PTPRD: variants seen among roughly 807,000 people sequenced by gnomAD.
PTPRD encodes the protein receptor-type tyrosine-protein phosphatase delta.
PTPRD carries 34 observed loss-of-function variants against 214.5 expected under a neutral mutation model. The observed-to-expected ratio is 0.16, with a 90% confidence interval of 0.12 to 0.21. The LOEUF (loss-of-function observed/expected upper bound fraction) is 0.21. Ranked by LOEUF, PTPRD falls within the 10% of genes least tolerant of loss-of-function variation. The pLI is 1.00. For missense variants in PTPRD, 2,545 were observed against 2,398.7 expected, an observed-to-expected ratio of 1.06 and a Z score of -1.27; for synonymous variants, 1,128 against 845.7, an observed-to-expected ratio of 1.33 and a Z score of -5.79.
chr9:9,918,634 G>A (rs2382062), intron 5 of PTPRD, among the ~76,000 whole-genome samples: 144,622 of 152,172 alleles, frequency 0.95, 68,889 homozygotes, highest in Middle Eastern at 0.98. Context: ...AAGGCGTGAC[G>A]CTACCAGACT....
chr9:9,925,445 T>TC (rs1385192935), intron 5 of PTPRD, among the ~76,000 whole-genome samples: 6 of 152,128 alleles, frequency 3.9e-5, no homozygotes, highest in African/African-American at 1.4e-4. Context: ...TGAAGGAGGT[T>TC]CTATATTATA....
chr9:9,375,380 G>T (rs1365768574), intron 9 of PTPRD, among the ~76,000 whole-genome samples: 1 of 152,134 alleles, frequency 6.6e-6, no homozygotes, highest in Non-Finnish European at 1.5e-5. Context: ...GGCAGATCAT[G>T]AGGTCAGGAG....
chr9:8,809,832 C>T (rs999593163), intron 11 of PTPRD, among the ~76,000 whole-genome samples: 3 of 152,176 alleles, frequency 2.0e-5, no homozygotes, highest in Admixed American at 1.3e-4. Context: ...CTTCTTAAAA[C>T]AATAATTGTA....
chr9:9,319,644 C>G (rs183640354), intron 9 of PTPRD, among the ~76,000 whole-genome samples: 99 of 152,264 alleles, frequency 6.5e-4, no homozygotes, highest in African/African-American at 2.4e-3. Context: ...AATCTAAACA[C>G]CTCTTCTTAG....
intron 26 of PTPRD, among the ~76,000 whole-genome samples, chr9:8,494,762 C>A (rs1053249025): frequency 2.0e-5 from 3 of 152,166 alleles, no homozygotes; most frequent in Non-Finnish European, 4.4e-5. Context: ...GCGTCAAGTT[C>A]CCTGCAGTGG....
rs577422909 is a variant in PTPRD at position 9,221,797 on chromosome 9, G to A, written c.-202-38434C>T. Reference sequence around the variant, plus strand: ...AAAACCTGTTAGCAATCTGTCACGTGTAGCAGAAGAAGACAAAGGAATGAT... The same window carrying A: ...AAAACCTGTTAGCAATCTGTCACGTATAGCAGAAGAAGACAAAGGAATGAT... On this transcript the variant is annotated intron_variant, in intron 9 of 45. Transcript: ENST00000381196. Among the ~76,000 whole-genome samples, 298 of 152,094 alleles carry A rather than the reference G, an allele frequency of 2.0e-3. 1 individual carries two copies. The highest frequency in any genetic ancestry group is 6.8e-3 in the African/African-American group (284 of 41,526).
At chr9:10,588,270 T>C (rs533524372) in intron 2 of PTPRD, among the ~76,000 whole-genome samples, 13 of 152,142 alleles carry the variant, frequency 8.5e-5, no homozygotes, top group Admixed American at 8.5e-4. Context: ...GTGGTCTTTG[T>C]AAGGTAGTGC....
intron 12 of PTPRD, among the ~76,000 whole-genome samples, chr9:8,726,413 A>G (rs2098558105): frequency 6.7e-6 from 1 of 149,982 alleles, no homozygotes; most frequent in Non-Finnish European, 1.5e-5. Context: ...AGATGGTAAA[A>G]CCATCTCTAC....
chr9:10,603,661 A>G (rs1216451959), intron 2 of PTPRD, among the ~76,000 whole-genome samples: 1 of 151,954 alleles, frequency 6.6e-6, no homozygotes, highest in African/African-American at 2.4e-5. Flanking sequence ...ATGCATGGAA[A>G]GCACTTAAAA....
chr9:9,879,561 T>C (rs1039217509), intron 5 of PTPRD, among the ~76,000 whole-genome samples: 2 of 152,176 alleles, frequency 1.3e-5, no homozygotes, highest in African/African-American at 4.8e-5. Context: ...TTGCAAGTAT[T>C]TGACACTGCA....
Position 10,578,570 on chromosome 9 carries a change from T to C in PTPRD, c.-600+33828A>G, listed in dbSNP as rs561567726. Among the ~76,000 whole-genome samples, 14 of 152,294 alleles carry C rather than the reference T, an allele frequency of 9.2e-5. No individual in the cohort carries two copies. In the South Asian group the frequency reaches 2.7e-3, roughly 29 times the overall value. On this transcript the variant is annotated intron_variant, in intron 2 of 45. Coordinates refer to ENST00000381196, the MANE Select transcript of PTPRD (RefSeq NM_002839.4). ...GTTATGCTGCTATATGAGTCATTTA[T>C]ATTCTTACAAATAAAAAAGATTGAC...
chr9:10,292,379 C>G (rs913869873), intron 3 of PTPRD, among the ~76,000 whole-genome samples: 27 of 152,150 alleles, frequency 1.8e-4, no homozygotes, highest in Non-Finnish European at 2.9e-4. Context: ...TGACATCACC[C>G]TTATAAAAAT....
rs1008072610 is a variant in PTPRD, at chr9:9,203,473, A to G, written c.-202-20110T>C. Among the ~76,000 whole-genome samples, 2 of 152,198 alleles carry G rather than the reference A, an allele frequency of 1.3e-5. 1 individual carries two copies. The highest frequency in any genetic ancestry group is 4.8e-5 in the African/African-American group (2 of 41,454). ...CATCATCTATCAATTCTCTCAAATT[A>G]GAAAATTTAAAATCACTTCTTCCTC... On this transcript the variant is annotated intron_variant, in intron 9 of 45. Coordinates refer to ENST00000381196, the MANE Select transcript of PTPRD (RefSeq NM_002839.4).
intron 11 of PTPRD, among the ~76,000 whole-genome samples, chr9:8,845,600 G>A (rs1205523976): frequency 6.6e-6 from 1 of 152,216 alleles, no homozygotes; most frequent in Non-Finnish European, 1.5e-5. Context: ...CCTGTCCCAT[G>A]CCACCCAGCA....
At chr9:8,373,562 CCTGT>C (rs2082159187) in intron 39 of PTPRD, among the ~76,000 whole-genome samples, 1 of 151,356 alleles carries the variant, frequency 6.6e-6, no homozygotes, top group South Asian at 2.1e-4. Flanking sequence ...TCCTGAGTAG[CCTGT>C]CTCTCTCAGA....
At position 9,950,092 on chromosome 9, in the gene PTPRD, G is replaced by A. The variant is rs10816261; in HGVS notation, c.-471-11482C>T. Among the ~76,000 whole-genome samples the A allele has an allele frequency of 3.3e-5, 5 of 152,062 alleles. No homozygotes were observed. In the South Asian group the frequency reaches 1.0e-3, roughly 32 times the overall value. ...ATATCAGACACATTTCCTGTATCAC[G>A]TCAGGTTTCCCTGGCCTTGTTTTTT... On this transcript the variant is annotated intron_variant, in intron 4 of 45. Coordinates refer to ENST00000381196, the MANE Select transcript of PTPRD (RefSeq NM_002839.4).
chr9:10,230,436 GTATCTATC>G (rs59835845), intron 3 of PTPRD, among the ~76,000 whole-genome samples: 391 of 140,738 alleles, frequency 2.8e-3, no homozygotes, highest in African/African-American at 3.9e-3. Flanking sequence ...ATGTATCTAT[GTATCTATC>G]TATCTATCTA....
intron 7 of PTPRD, among the ~76,000 whole-genome samples, chr9:9,660,182 A>G (rs1207341916): frequency 6.6e-6 from 1 of 152,024 alleles, no homozygotes; most frequent in Admixed American, 6.6e-5. Context: ...GATAAATGAG[A>G]GCAGATAAAG....
intron 3 of PTPRD, among the ~76,000 whole-genome samples, chr9:10,330,813 C>T (rs1394678487): frequency 6.6e-6 from 1 of 151,834 alleles, no homozygotes; most frequent in Admixed American, 6.6e-5. Flanking sequence ...CATGTAACCC[C>T]TTAAGCTCCT....
Sources: gnomAD v4.1 joint callset for allele counts (sites outside exome capture counted in the v4.1 genomes callset) on GRCh38, gnomAD v4.1.1 for gene constraint, MANE v1.5 for transcripts, NCBI Gene and HGNC (gene_info 2026-07-23, HGNC 2026-07-21) for gene names.